Variants in GRM6 observed in about 807,000 individuals in gnomAD.
GRM6 encodes the protein glutamate metabotropic receptor 6, also known as metabotropic glutamate receptor 6.
Under a neutral mutation model 78.4 loss-of-function variants are expected in GRM6, and 73 were observed. The observed-to-expected ratio is 0.93, with a 90% CI of 0.77 to 1.13. The LOEUF (loss-of-function observed/expected upper bound fraction) is 1.13, where lower values mean the gene tolerates loss of function less well. GRM6 is among the 50% of genes most tolerant of loss of function. The pLI is 0.00. For missense variants in GRM6, 1,251 were observed against 1,256.4 expected (o/e 1.00, Z 0.07); for synonymous variants, 580 against 555.0 (o/e 1.05, Z -0.63).
rs911614405 is a variant in GRM6, at chr5:178,991,303, G to C, written c.857+121C>G. The C allele has an allele frequency of 3.0e-6, 3 of 1,004,432 alleles. No homozygotes were observed. The highest frequency in any genetic ancestry group is 3.4e-5 in the Admixed American group (2 of 59,180). The allele number at this position is 1,004,432 out of a possible 1,614,324, so 62.2% of individuals were successfully genotyped here. On this transcript the variant is annotated intron_variant, in intron 4 of 10. Transcript: ENST00000517717. The surrounding 1 kb of genome is among the most constrained non-coding windows in gnomAD (Gnocchi z 5.0). ...CTCAGAGGCAGCAGCAGGGAAGGTG[G>C]GGGGTGCGGGGAGCAGGGGAAAGGG...
At chr5:178,985,786 G>C in intron 9 of GRM6, 1 of 506,286 alleles carries the variant, frequency 2.0e-6, no homozygotes, top group South Asian at 1.6e-5. Context: ...TTTTGAGACA[G>C]GGTCTTACTC....
At chr5:178,984,146 T>C (rs1760460346) in intron 9 of GRM6, among the ~76,000 whole-genome samples, 1 of 151,880 alleles carries the variant, frequency 6.6e-6, no homozygotes, top group South Asian at 2.1e-4. Flanking sequence ...CAAAATAAGT[T>C]TGGAAGTTCC....
At chr5:178,985,865 G>A (rs553333357) in intron 9 of GRM6, 267 of 552,774 alleles carry the variant, frequency 4.8e-4, no homozygotes, top group Middle Eastern at 4.0e-3. Context: ...GGGCTCAAGC[G>A]ATCCTCCTAT....
Position 178,992,270 on chromosome 5 carries a change from G to C in GRM6, c.505-187C>G. The C allele has an allele frequency of 1.7e-6, 1 of 574,478 alleles. No individual in the cohort carries two copies. Among genetic ancestry groups the C allele is most frequent in the South Asian group, 1.6e-5 (1 of 62,210 alleles). 35.6% of individuals were successfully genotyped at this position (574,478 alleles called of 1,614,324 possible). On this transcript the variant is annotated intron_variant, in intron 2 of 10. Transcript: ENST00000517717. The surrounding 1 kb of genome is among the most constrained non-coding windows in gnomAD (Gnocchi z 4.9). The stretch of plus-strand genomic sequence containing the variant: ...CTGGAGCAGCCACCTGGAAAGGCTG[G>C]AAGCTGTGGTGTTTTGCGAGTGGGC...
In GRM6 at chr5:178,994,502, A is replaced by C; in HGVS notation, c.443T>G (p.Val148Gly). Residue 148 changes from valine to glycine, a missense_variant, in exon 2 of 11, where the codon GTC (valine) becomes GGC (glycine). Physicochemically the swap from Val to Gly is moderately radical, Grantham distance 109. Coordinates refer to ENST00000517717, the MANE Select transcript of GRM6 (RefSeq NM_000843.4). ...RPAPPERVVA[V>G]VGASASSVSI... Reference sequence around the variant, plus strand: ...GACGGAGCTGGCCGAGGCGCCCACGACGGCCACGACGCGCTCGGGGGGCGC... The same window carrying C: ...GACGGAGCTGGCCGAGGCGCCCACGCCGGCCACGACGCGCTCGGGGGGCGC... 7.0e-7 allele frequency: 1 copy of C among 1,432,376 alleles called. No individual in the cohort carries two copies. The highest frequency in any genetic ancestry group is 9.1e-7 in the Non-Finnish European group (1 of 1,097,444). 88.7% of individuals were successfully genotyped at this position (1,432,376 alleles called of 1,614,324 possible).
Position 178,992,200 on chromosome 5 carries a change from A to T in GRM6, c.505-117T>A. On this transcript the variant is annotated intron_variant, in intron 2 of 10. Coordinates refer to ENST00000517717, the MANE Select transcript of GRM6 (RefSeq NM_000843.4). The surrounding 1 kb of genome is among the most constrained non-coding windows in gnomAD (Gnocchi z 4.9). Reference sequence around the variant, plus strand: ...AGAAGGTGTGTGGCATGGACCTGGGACACAGATGGGAGATGGAAGGGTTGG... The same window carrying T: ...AGAAGGTGTGTGGCATGGACCTGGGTCACAGATGGGAGATGGAAGGGTTGG... 1.3e-6 allele frequency: 1 copy of T among 746,156 alleles called. No individual in the cohort carries two copies. Among genetic ancestry groups the T allele is most frequent in the Non-Finnish European group, 2.3e-6 (1 of 426,562 alleles). The allele number at this position is 746,156 out of a possible 1,614,324, so 46.2% of individuals were successfully genotyped here.
Position 178,991,673 on chromosome 5 carries a change from G to A in GRM6, c.722-114C>T. On this transcript the variant is annotated intron_variant, in intron 3 of 10. Transcript: ENST00000517717. The surrounding 1 kb of genome is among the most constrained non-coding windows in gnomAD (Gnocchi z 5.0). ...TGAAGGGTCTGCAGGGGTGAAGTCT[G>A]GCCTGCACCCTCCGCCAAGCCTGAG... The A allele has an allele frequency of 1.5e-6, 2 of 1,318,788 alleles. No homozygotes were observed. The highest frequency in any genetic ancestry group is 2.2e-6 in the Non-Finnish European group (2 of 918,656). 81.7% of individuals were successfully genotyped at this position (1,318,788 alleles called of 1,614,324 possible). A position where few individuals can be genotyped will look rare whatever the true frequency, so the allele number is the denominator to read the frequency against.
chr5:178,992,257 C>T lies in GRM6; in HGVS notation c.505-174G>A, dbSNP rs1200394017. 4 of 646,570 alleles carry T rather than the reference C, an allele frequency of 6.2e-6. No individual in the cohort carries two copies. The highest frequency in any genetic ancestry group is 2.8e-5 in the East Asian group (1 of 35,106). The allele number at this position is 646,570 out of a possible 1,614,324, so 40.1% of individuals were successfully genotyped here. A position where few individuals can be genotyped will look rare whatever the true frequency, so the allele number is the denominator to read the frequency against. On this transcript the variant is annotated intron_variant, in intron 2 of 10. Coordinates refer to ENST00000517717, the MANE Select transcript of GRM6 (RefSeq NM_000843.4). The surrounding 1 kb of genome is among the most constrained non-coding windows in gnomAD (Gnocchi z 4.9). ...GACCTGGGGCCAGCTGGAGCAGCCA[C>T]CTGGAAAGGCTGGAAGCTGTGGTGT... is the stretch of plus-strand genomic sequence containing the variant.
chr5:178,986,661 C>T lies in GRM6; in HGVS notation c.1593G>A (p.Val531=), dbSNP rs768367690. ...AGTGCCAACAGCAGGGGACGCCCTT[C>T]ACCATCTTCTTCCGCTCCCCCGGCC... ...PCGPGERKKM[V]KGVPCCWHCE... is the part of the protein sequence containing the mutation. Residue 531 remains valine (V), a synonymous_variant, in exon 9 of 11, where the codon GTG becomes GTA. Coordinates refer to ENST00000517717, the MANE Select transcript of GRM6 (RefSeq NM_000843.4). The T allele has an allele frequency of 4.4e-6, 7 of 1,602,894 alleles. No homozygotes were observed. The South Asian group carries it at 5.5e-5, about 13-fold the overall frequency.
At position 178,989,026 on chromosome 5, in the gene GRM6, C is replaced by T. The variant is rs377464746; in HGVS notation, c.1263G>A (p.Ala421=). ...ACAGGCCTGTGTGCCCAGGGCAGAGCGCCTGGTGCATGCTGTGGAGGGCGT... is the reference window on the plus strand; with the variant it reads ...ACAGGCCTGTGTGCCCAGGGCAGAGTGCCTGGTGCATGCTGTGGAGGGCGT... ...IAHALHSMHQ[A]LCPGHTGLCP... is the part of the protein sequence containing the mutation. The change falls in exon 7 of 11, where the codon GCG becomes GCA. Residue 421 remains alanine, a synonymous_variant. Coordinates refer to ENST00000517717, the MANE Select transcript of GRM6 (RefSeq NM_000843.4). 33 of 1,613,880 alleles carry T rather than the reference C, an allele frequency of 2.0e-5. 1 individual carries two copies. Among genetic ancestry groups the T allele is most frequent in the South Asian group, 1.1e-4 (10 of 91,078 alleles).
rs990099013 is a variant in GRM6 at position 178,992,677 on chromosome 5, C to A, written c.505-594G>T. On this transcript the variant is annotated intron_variant, in intron 2 of 10. Coordinates refer to ENST00000517717, the MANE Select transcript of GRM6 (RefSeq NM_000843.4). The surrounding 1 kb of genome is among the most constrained non-coding windows in gnomAD (Gnocchi z 4.9). ...ACCGGGGAGTGTGGAGGCAGAGACACGGGGCTGAGAAGGCCGCCAAGAGGG... is the reference window on the plus strand; with the variant it reads ...ACCGGGGAGTGTGGAGGCAGAGACAAGGGGCTGAGAAGGCCGCCAAGAGGG... Among the ~76,000 whole-genome samples, 1 of 151,748 alleles carries A rather than the reference C, an allele frequency of 6.6e-6. No individual in the cohort carries two copies. Among genetic ancestry groups the A allele is most frequent in the Non-Finnish European group, 1.5e-5 (1 of 67,990 alleles).
chr5:178,986,171 T>A lies in GRM6; in HGVS notation c.2083A>T (p.Thr695Ser). ...CTGAAGGTGATGACCAGCTGTGAGG[T>A]GGGGCTGATGAAGGGAGGGGGTGTG... ...SVTPPPFISP[T>S]SQLVITFSLT... The change falls in exon 9 of 11, where the codon ACC becomes TCC. Residue 695 changes from threonine to serine, a missense_variant. Thr to Ser is a moderately conservative substitution (Grantham distance 58). Transcript: ENST00000517717. 6.2e-7 allele frequency: 1 copy of A among 1,613,596 alleles called. No individual in the cohort carries two copies. The highest frequency in any genetic ancestry group is 8.5e-7 in the Non-Finnish European group (1 of 1,179,748).
Position 178,983,110 on chromosome 5 carries a change from T to G in GRM6, c.2236A>C (p.Met746Leu), listed in dbSNP as rs756664254. The G allele has an allele frequency of 2.5e-6, 4 of 1,614,032 alleles. No individual in the cohort carries two copies. The South Asian group carries it at 4.4e-5, about 18-fold the overall frequency. ...EQARGVLKCDMSDLSLIGCLG... is the reference protein window; with the variant it reads ...EQARGVLKCDLSDLSLIGCLG... ...CAGCCGATGAGAGACAGATCCGACA[T>G]GTCGCACTTGAGCACCCCTCTGGCC... is the stretch of plus-strand genomic sequence containing the variant. The change falls in exon 10 of 11, where the codon ATG becomes CTG. Residue 746 changes from methionine (M) to leucine (L), a missense_variant. Coordinates refer to ENST00000517717, the MANE Select transcript of GRM6 (RefSeq NM_000843.4).
intron 9 of GRM6, chr5:178,985,226 C>G (rs1263431394): frequency 2.2e-6 from 1 of 454,738 alleles, no homozygotes; most frequent in Non-Finnish European, 4.4e-6. Context: ...ATATGTGAGC[C>G]AAATTGTAGA....
At chr5:178,983,442 T>C in intron 9 of GRM6, 2 of 696,950 alleles carry the variant, frequency 2.9e-6, no homozygotes, top group Non-Finnish European at 5.2e-6. Flanking sequence ...GCCCGTGACC[T>C]GGCAGCTGCG....
rs771522860 is a variant in GRM6 at position 178,986,654 on chromosome 5, C to T, written c.1600G>A (p.Val534Ile). Residue 534 changes from valine (V) to isoleucine (I), a missense_variant, in exon 9 of 11, where the codon GTC becomes ATC. Val to Ile is a conservative substitution (Grantham distance 29). Coordinates refer to ENST00000517717, the MANE Select transcript of GRM6 (RefSeq NM_000843.4). The part of the protein sequence containing the change: ...PGERKKMVKG[V>I]PCCWHCEACD... ...GCCTCGCAGTGCCAACAGCAGGGGA[C>T]GCCCTTCACCATCTTCTTCCGCTCC... The T allele has an allele frequency of 1.7e-5, 27 of 1,602,480 alleles. No individual in the cohort carries two copies. The highest frequency in any genetic ancestry group is 5.0e-5 in the Admixed American group (3 of 60,004).
chr5:178,985,474 T>G (rs113903481), intron 9 of GRM6, among the ~76,000 whole-genome samples: 4 of 150,106 alleles, frequency 2.7e-5, no homozygotes, highest in South Asian at 2.1e-4. Flanking sequence ...GAGGCCGAGG[T>G]GGGCGGATCA....
chr5:178,987,570 T>TA lies in GRM6; in HGVS notation c.1355-588dup, dbSNP rs200042741. ...AACAAGCCAGTCACACATGCGCAAA[T>TA]ACCGTCTGATGCCACCACAGGAGGT... is the stretch of plus-strand genomic sequence containing the variant. On this transcript the variant is annotated intron_variant, in intron 7 of 10. Coordinates refer to ENST00000517717, the MANE Select transcript of GRM6 (RefSeq NM_000843.4). 9.8e-3 allele frequency: 3,985 copies of TA among 404,910 alleles called. 45 individuals carry two copies. The highest frequency in any genetic ancestry group is 0.023 in the South Asian group (1,268 of 54,600). The allele number at this position is 404,910 out of a possible 1,614,324, so 25.1% of individuals were successfully genotyped here.
At chr5:178,985,615 A>G (rs1312980392) in intron 9 of GRM6, 22 of 357,602 alleles carry the variant, frequency 6.2e-5, no homozygotes, top group South Asian at 1.5e-4. Flanking sequence ...AGGCAGGAGA[A>G]TGGCGTGAAC....
Sources: gnomAD v4.1 joint callset for allele counts (sites outside exome capture counted in the v4.1 genomes callset) on GRCh38, gnomAD v4.1.1 for gene constraint, Gnocchi (gnomAD v3.1) non-coding constraint, MANE v1.5 for transcripts, NCBI Gene and HGNC (gene_info 2026-07-23, HGNC 2026-07-21) for gene names.